RYR2: variants seen among roughly 807,000 people sequenced by gnomAD.
The protein encoded by RYR2 is cardiac muscle ryanodine receptor-calcium release channel.
A neutral mutation model predicts 601.1 loss-of-function variants in RYR2; 227 were observed. The ratio of observed to expected loss-of-function variants is 0.38; its 90% CI spans 0.34 to 0.42. The LOEUF is 0.42. RYR2 is among the 10% of genes least tolerant of loss of function. RYR2 has a pLI of 1.00. For missense variants in RYR2, 4,646 were observed against 6,156.5 expected, an observed-to-expected ratio of 0.75 and a Z score of 8.21; for synonymous variants, 2,223 against 2,175.1, an observed-to-expected ratio of 1.02 and a Z score of -0.61.
intron 2 of RYR2, 45 bp downstream of exon 2, chr1:237,270,661 T>C: frequency 9.0e-6 from 14 of 1,550,108 alleles, no homozygotes; most frequent in Non-Finnish European, 1.1e-5. Context: ...CAAGTTTTAC[T>C]AGTGGCATTG....
intron 77 of RYR2, among the ~76,000 whole-genome samples, chr1:237,731,267 T>C (rs1558305665): frequency 6.6e-6 from 1 of 152,062 alleles, no homozygotes; most frequent in African/African-American, 2.4e-5. Context: ...TCAGTGGAGA[T>C]ATAAAACTCA....
In RYR2 at chr1:237,589,566, C is replaced by T. The variant is rs12043270; in HGVS notation, c.3599-227C>T. Among the ~76,000 whole-genome samples the T allele has an allele frequency of 0.51, 77,264 of 151,492 alleles. 19,994 individuals carry two copies. The highest frequency in any genetic ancestry group is 0.67 in the East Asian group (3,426 of 5,102). On this transcript the variant is annotated intron_variant, in intron 29 of 104. Transcript: ENST00000366574. ...GTTAAGTCTGAGATGACAGAAGGGA[C>T]TTATCTAGGGCCCACAGCTAGTAAA...
intron 1 of RYR2, among the ~76,000 whole-genome samples, chr1:237,117,438 G>A (rs1393891932): frequency 1.3e-5 from 2 of 152,144 alleles, no homozygotes; most frequent in Non-Finnish European, 2.9e-5. Context: ...GGATGGACAA[G>A]TTAGGTAAAG....
At chr1:237,293,778 C>G (rs986850153) in intron 2 of RYR2, among the ~76,000 whole-genome samples, 20 of 152,170 alleles carry the variant, frequency 1.3e-4, no homozygotes, top group Admixed American at 9.2e-4. Flanking sequence ...CCTCCAGATA[C>G]CTAGTTTTAG....
intron 88 of RYR2, among the ~76,000 whole-genome samples, chr1:237,780,630 GA>G (rs1357169927): frequency 1.3e-5 from 2 of 152,098 alleles, no homozygotes; most frequent in African/African-American, 4.8e-5. Flanking sequence ...ATATGTCTTT[GA>G]AAAAGAATGT....
intron 1 of RYR2, among the ~76,000 whole-genome samples, chr1:237,177,934 G>C (rs913435334): frequency 1.3e-5 from 2 of 152,150 alleles, no homozygotes; most frequent in Non-Finnish European, 2.9e-5. Context: ...TTCCAGGCTA[G>C]CAAATACAGA....
intron 79 of RYR2, among the ~76,000 whole-genome samples, chr1:237,737,880 A>G (rs1691285843): frequency 6.6e-6 from 1 of 152,236 alleles, no homozygotes; most frequent in South Asian, 2.1e-4. Context: ...TTAAACTCGA[A>G]TTCTAACTTT....
chr1:237,341,879 T>C (rs1212317845), intron 3 of RYR2, among the ~76,000 whole-genome samples: 4 of 152,190 alleles, frequency 2.6e-5, no homozygotes, highest in African/African-American at 9.7e-5. Flanking sequence ...GGTTCGGTAA[T>C]CCTCCATCCT....
At chr1:237,460,490 C>G (rs938305312) in intron 16 of RYR2, among the ~76,000 whole-genome samples, 2 of 152,218 alleles carry the variant, frequency 1.3e-5, no homozygotes, top group African/African-American at 4.8e-5. Flanking sequence ...GTTGACTCAT[C>G]TACTTCCTCA....
intron 14 of RYR2, among the ~76,000 whole-genome samples, chr1:237,447,815 C>T (rs1014477317): frequency 6.6e-6 from 1 of 150,996 alleles, no homozygotes; most frequent in Admixed American, 6.6e-5. Context: ...TTCCTTCCTT[C>T]CATCCTTTCC....
chr1:237,594,320 T>C (rs776574036), intron 33 of RYR2, among the ~76,000 whole-genome samples: 70 of 152,080 alleles, frequency 4.6e-4, no homozygotes, highest in Non-Finnish European at 6.5e-4. Flanking sequence ...TCCGAAAGAG[T>C]CCTTTATAAC....
At chr1:237,507,479 A>G (rs77900649) in intron 23 of RYR2, among the ~76,000 whole-genome samples, 1,528 of 152,368 alleles carry the variant, frequency 0.01, 27 homozygotes, top group African/African-American at 0.033. Context: ...CCCAAAGGCC[A>G]TAACACTTTC....
At chr1:237,468,669 T>C (rs1235174487) in intron 16 of RYR2, among the ~76,000 whole-genome samples, 3 of 152,230 alleles carry the variant, frequency 2.0e-5, no homozygotes, top group Non-Finnish European at 4.4e-5. Context: ...TATTTTGTGG[T>C]TCATTTTCAG....
In RYR2 at chr1:237,261,457, G is replaced by A. The variant is rs527519108; in HGVS notation, c.49-9040G>A. ...CTGCTCTAGCTGTGAATTTTCTGAC[G>A]ATGCTAAGTCCATGCTTTCCTGCCT... On this transcript the variant is annotated intron_variant, in intron 1 of 104. Transcript: ENST00000366574. 1.1e-4 allele frequency among the ~76,000 whole-genome samples: 17 copies of A among 152,272 alleles called. No homozygotes were observed. In the South Asian group the frequency reaches 2.7e-3, roughly 24 times the overall value.
At chr1:237,736,348 C>T (rs1401491115) in intron 79 of RYR2, among the ~76,000 whole-genome samples, 1 of 151,748 alleles carries the variant, frequency 6.6e-6, no homozygotes, top group Non-Finnish European at 1.5e-5. Flanking sequence ...GTAATCCCAG[C>T]TCCTCAGGAG....
rs141752942 is a variant in RYR2, at chr1:237,430,565, C to T, written c.1005+7317C>T. Among the ~76,000 whole-genome samples the T allele has an allele frequency of 2.3e-3, 355 of 152,094 alleles. 1 individual carries two copies. The highest frequency in any genetic ancestry group is 4.3e-3 in the Non-Finnish European group (294 of 67,978). On this transcript the variant is annotated intron_variant, in intron 12 of 104. Transcript: ENST00000366574. ...TGGAAGCTGTATGAGAATATGAAGA[C>T]AGAGAGAAATTTTTTCTTTAACTTA...
chr1:237,329,182 A>G (rs951168961), intron 2 of RYR2, among the ~76,000 whole-genome samples: 1 of 151,982 alleles, frequency 6.6e-6, no homozygotes, highest in Non-Finnish European at 1.5e-5. Flanking sequence ...CTTTTTTTCA[A>G]TTTTATTTTT....
At chr1:237,099,170 G>T (rs1216569293) in intron 1 of RYR2, among the ~76,000 whole-genome samples, 5 of 151,866 alleles carry the variant, frequency 3.3e-5, no homozygotes, top group African/African-American at 1.2e-4. Flanking sequence ...ATTCAGCCCA[G>T]CTGGTCAGCA....
chr1:237,507,440 C>T (rs61833802), intron 23 of RYR2, among the ~76,000 whole-genome samples: 10,654 of 152,204 alleles, frequency 0.07, 436 homozygotes, highest in African/African-American at 0.1. Flanking sequence ...CATGGTAATA[C>T]TTTCATTTGT....
Sources: gnomAD v4.1 joint callset for allele counts (sites outside exome capture counted in the v4.1 genomes callset) on GRCh38, gnomAD v4.1.1 for gene constraint, MANE v1.5 for transcripts, NCBI Gene and HGNC (gene_info 2026-07-23, HGNC 2026-07-21) for gene names.